The following GRIN3A variants were observed in gnomAD, a reference collection of about 807,000 sequenced individuals.
GRIN3A encodes the protein glutamate ionotropic receptor NMDA type subunit 3A.
In GRIN3A, 47 loss-of-function variants were observed where a neutral mutation model predicts 92.4. The observed-to-expected ratio is 0.51, with a 90% CI of 0.40 to 0.65. The LOEUF is 0.65. Among genes scored for constraint, GRIN3A ranks in the 30% least tolerant of loss-of-function variants. The pLI is 0.00. For synonymous variants in GRIN3A, 527 were observed against 540.6 expected (o/e 0.97, Z 0.35); for missense variants, 1,324 against 1,393.1 (o/e 0.95, Z 0.79).
At chr9:101,585,834 G>A (rs1402716279) in intron 6 of GRIN3A, among the ~76,000 whole-genome samples, 1 of 152,132 alleles carries the variant, frequency 6.6e-6, no homozygotes, top group African/African-American at 2.4e-5. Flanking sequence ...TCACTCCTGT[G>A]CTCAATGCCT....
chr9:101,644,760 T>C (rs537500934), intron 3 of GRIN3A, among the ~76,000 whole-genome samples: 1 of 152,060 alleles, frequency 6.6e-6, no homozygotes, highest in South Asian at 2.1e-4. Flanking sequence ...GAAGTAGCCA[T>C]TGTTGATTTT....
At chr9:101,710,516 T>G (rs183046459) in intron 1 of GRIN3A, among the ~76,000 whole-genome samples, 6 of 152,310 alleles carry the variant, frequency 3.9e-5, no homozygotes. Context: ...AGATCTCCTC[T>G]AGTTTAGAGA....
chr9:101,733,704 C>T (rs907722210), intron 1 of GRIN3A, among the ~76,000 whole-genome samples: 1 of 152,142 alleles, frequency 6.6e-6, no homozygotes, highest in African/African-American at 2.4e-5. Context: ...AGTGCTTAGT[C>T]CTGTACTGTC....
chr9:101,624,848 G>A (rs1828610375), intron 4 of GRIN3A, among the ~76,000 whole-genome samples: 1 of 152,158 alleles, frequency 6.6e-6, no homozygotes, highest in African/African-American at 2.4e-5. Context: ...AAACCACAAT[G>A]AGATACCATC....
intron 7 of GRIN3A, among the ~76,000 whole-genome samples, chr9:101,578,176 T>C (rs1472164107): frequency 6.6e-6 from 1 of 152,132 alleles, no homozygotes; most frequent in East Asian, 1.9e-4. Flanking sequence ...GAGTAAAAAG[T>C]ATATAATTAA....
intron 2 of GRIN3A, among the ~76,000 whole-genome samples, chr9:101,676,242 CTCA>C (rs1408358944): frequency 1.3e-5 from 2 of 151,858 alleles, no homozygotes; most frequent in Non-Finnish European, 1.5e-5. Context: ...TCATTTTTCA[CTCA>C]TCAATTTGTC....
At chr9:101,592,621 T>G (rs1468704762) in intron 6 of GRIN3A, 2 of 152,096 alleles carry the variant, frequency 1.3e-5, no homozygotes, top group African/African-American at 4.8e-5. Flanking sequence ...TTTATCACAG[T>G]TTTTAGGGTT....
intron 1 of GRIN3A, among the ~76,000 whole-genome samples, chr9:101,694,831 C>T (rs1387609003): frequency 6.6e-6 from 1 of 152,062 alleles, no homozygotes; most frequent in Non-Finnish European, 1.5e-5. Context: ...AATCCAAGAA[C>T]AGATAATCAT....
At position 101,572,682 on chromosome 9, in the gene GRIN3A, C is replaced by T; in HGVS notation, c.*492G>A. ...CCCACCCCCAGTGGGAGGTGCTCTG[C>T]TCTTACCTGCTCCCCATTCAGAATG... On this transcript the variant is annotated 3_prime_UTR_variant, in exon 9 of 9. Coordinates refer to ENST00000361820, the MANE Select transcript of GRIN3A (RefSeq NM_133445.3). 1 of 181,210 alleles carries T rather than the reference C, an allele frequency of 5.5e-6. No individual in the cohort carries two copies. The highest frequency in any genetic ancestry group is 1.2e-4 in the South Asian group (1 of 8,446). 11.2% of individuals were successfully genotyped at this position (181,210 alleles called of 1,614,324 possible).
intron 3 of GRIN3A, among the ~76,000 whole-genome samples, chr9:101,640,400 C>A (rs1564132852): frequency 6.6e-6 from 1 of 152,148 alleles, no homozygotes; most frequent in Non-Finnish European, 1.5e-5. Flanking sequence ...AGAAAATTTT[C>A]ATGCATCAGT....
chr9:101,651,258 G>A (rs199596570), intron 3 of GRIN3A, among the ~76,000 whole-genome samples: 2 of 152,044 alleles, frequency 1.3e-5, no homozygotes, highest in East Asian at 3.9e-4. Context: ...TATATAATCT[G>A]TATCAGTTGA....
chr9:101,597,281 G>A (rs1417958854), intron 6 of GRIN3A, among the ~76,000 whole-genome samples: 1 of 152,170 alleles, frequency 6.6e-6, no homozygotes, highest in Non-Finnish European at 1.5e-5. Flanking sequence ...ACATATGGGA[G>A]CTTCCATTTG....
At chr9:101,719,418 T>TAA (rs34048066) in intron 1 of GRIN3A, among the ~76,000 whole-genome samples, 15 of 139,980 alleles carry the variant, frequency 1.1e-4, no homozygotes, top group Non-Finnish European at 1.7e-4. Flanking sequence ...GACTCCATCT[T>TAA]AAAAAAAAAA....
Position 101,570,091 on chromosome 9 carries a change from T to C in GRIN3A, c.*3083A>G, listed in dbSNP as rs1431075264. The C allele has an allele frequency of 2.6e-5, 4 of 152,202 alleles. No homozygotes were observed. Among genetic ancestry groups the C allele is most frequent in the African/African-American group, 9.7e-5 (4 of 41,432 alleles). 9.4% of individuals were successfully genotyped at this position (152,202 alleles called of 1,614,324 possible). On this transcript the variant is annotated 3_prime_UTR_variant, in exon 9 of 9. Transcript: ENST00000361820. Reference sequence around the variant, plus strand: ...TGCTTCACTTGGCTGTCCTGGTTATTCTTCCAATTTGTTTTTAAATTTTGG... The same window carrying C: ...TGCTTCACTTGGCTGTCCTGGTTATCCTTCCAATTTGTTTTTAAATTTTGG...
In GRIN3A at chr9:101,696,747, T is replaced by C. The variant is rs118008769; in HGVS notation, c.700-9547A>G. Among the ~76,000 whole-genome samples the C allele has an allele frequency of 4.4e-3, 673 of 152,336 alleles. 2 individuals carry two copies. Among genetic ancestry groups the C allele is most frequent in the Non-Finnish European group, 8.0e-3 (541 of 68,024 alleles). ...TCCCTATAGAAATTTGATTACTTTA[T>C]GTCAATGCAGCCTGAAACTATTATT... On this transcript the variant is annotated intron_variant, in intron 1 of 8. Coordinates refer to ENST00000361820, the MANE Select transcript of GRIN3A (RefSeq NM_133445.3).
rs138253972 is a variant in GRIN3A, at chr9:101,623,364, A to G, written c.2568T>C (p.Asp856=). Residue 856 remains aspartate (D), a synonymous_variant, in exon 5 of 9, where the codon GAT becomes GAC. Coordinates refer to ENST00000361820, the MANE Select transcript of GRIN3A (RefSeq NM_133445.3). ...CCACAGTGAGAAGTTTGCAGTCAGC[A>G]TCTATTGACACTTCATAATCCAGAA... The part of the protein sequence containing the change: ...KALLDYEVSI[D]ADCKLLTVGK... 100 of 1,613,940 alleles carry G rather than the reference A, an allele frequency of 6.2e-5. No homozygotes were observed. In the African/African-American group the frequency reaches 1.2e-3, roughly 20 times the overall value.
intron 1 of GRIN3A, among the ~76,000 whole-genome samples, chr9:101,724,890 C>G (rs1588299172): frequency 6.6e-6 from 1 of 152,204 alleles, no homozygotes; most frequent in East Asian, 1.9e-4. Flanking sequence ...TGAACTAATA[C>G]AGTACATGTT....
intron 3 of GRIN3A, among the ~76,000 whole-genome samples, chr9:101,661,120 A>C (rs963800403): frequency 6.6e-6 from 1 of 151,778 alleles, no homozygotes; most frequent in African/African-American, 2.4e-5. Context: ...TAAAATGTAA[A>C]AATTTTTGTG....
intron 6 of GRIN3A, among the ~76,000 whole-genome samples, chr9:101,581,552 G>C (rs1827887421): frequency 6.6e-6 from 1 of 152,058 alleles, no homozygotes; most frequent in Non-Finnish European, 1.5e-5. Context: ...CACATCATTT[G>C]TCCCCTGTGG....
Sources: gnomAD v4.1 joint callset for allele counts (sites outside exome capture counted in the v4.1 genomes callset) on GRCh38, gnomAD v4.1.1 for gene constraint, MANE v1.5 for transcripts, NCBI Gene and HGNC (gene_info 2026-07-23, HGNC 2026-07-21) for gene names.